Variants in ZNF804B observed in about 807,000 individuals in gnomAD.
ZNF804B encodes zinc finger protein 804B.
In ZNF804B, 80 loss-of-function variants were observed where a neutral mutation model predicts 101.4. The ratio of observed to expected loss-of-function variants is 0.79; its 90% CI spans 0.66 to 0.95. The LOEUF is 0.95. Among genes scored for constraint, ZNF804B ranks in the 40% least tolerant of loss-of-function variants. ZNF804B has a pLI of 0.00. For missense variants in ZNF804B, 1,673 were observed against 1,561.9 expected, an observed-to-expected ratio of 1.07 and a Z score of -1.20; for synonymous variants, 622 against 558.8, an observed-to-expected ratio of 1.11 and a Z score of -1.59.
intron 1 of ZNF804B, among the ~76,000 whole-genome samples, chr7:88,878,233 G>C (rs1159228613): frequency 1.3e-5 from 2 of 152,024 alleles, no homozygotes; most frequent in Non-Finnish European, 2.9e-5. Context: ...CAAGGGTTTT[G>C]GATCCTCCTG....
intron 1 of ZNF804B, among the ~76,000 whole-genome samples, chr7:88,876,005 T>A (rs189529134): frequency 6.6e-6 from 1 of 152,270 alleles, no homozygotes; most frequent in Admixed American, 6.5e-5. Flanking sequence ...GCTGGTTCAA[T>A]ATATGCAAAT....
At chr7:89,274,019 G>T (rs1789937836) in intron 2 of ZNF804B, among the ~76,000 whole-genome samples, 1 of 151,802 alleles carries the variant, frequency 6.6e-6, no homozygotes, top group Admixed American at 6.6e-5. Context: ...ACAAAGAGTA[G>T]ACATACTAAA....
intron 1 of ZNF804B, among the ~76,000 whole-genome samples, chr7:89,135,587 C>A (rs1242728016): frequency 6.6e-6 from 1 of 151,680 alleles, no homozygotes; most frequent in Non-Finnish European, 1.5e-5. Flanking sequence ...ACTACACAAG[C>A]CATTAGATGT....
intron 1 of ZNF804B, among the ~76,000 whole-genome samples, chr7:89,002,055 T>C (rs944447918): frequency 3.3e-5 from 5 of 151,608 alleles, no homozygotes; most frequent in African/African-American, 1.2e-4. Context: ...ACCACTTTTT[T>C]GTAATGTATT....
intron 1 of ZNF804B, among the ~76,000 whole-genome samples, chr7:89,035,211 G>C (rs1788906825): frequency 6.6e-6 from 1 of 152,024 alleles, no homozygotes; most frequent in Non-Finnish European, 1.5e-5. Context: ...TGAAAAGAAA[G>C]AACAAACATG....
chr7:89,018,106 A>T (rs1198788906), intron 1 of ZNF804B, among the ~76,000 whole-genome samples: 1 of 152,072 alleles, frequency 6.6e-6, no homozygotes, highest in Non-Finnish European at 1.5e-5. Context: ...ATATTAGAGG[A>T]CAGGCTTTCC....
At chr7:88,951,111 G>A (rs193028529) in intron 1 of ZNF804B, among the ~76,000 whole-genome samples, 162 of 151,934 alleles carry the variant, frequency 1.1e-3, no homozygotes, top group African/African-American at 2.9e-3. Context: ...CTCCAAATAA[G>A]AAATATTTGG....
chr7:88,773,666 T>C (rs1306531624), intron 1 of ZNF804B, among the ~76,000 whole-genome samples: 1 of 152,114 alleles, frequency 6.6e-6, no homozygotes, highest in Non-Finnish European at 1.5e-5. Flanking sequence ...TTTAATTGGC[T>C]CACGGTTCTG....
chr7:89,040,259 T>C (rs1788995574), intron 1 of ZNF804B, among the ~76,000 whole-genome samples: 1 of 152,112 alleles, frequency 6.6e-6, no homozygotes, highest in Non-Finnish European at 1.5e-5. Flanking sequence ...TTTTTATCCT[T>C]TACTCTTTTT....
At position 89,335,230 on chromosome 7, in the gene ZNF804B, G is replaced by A. The variant is rs748399738; in HGVS notation, c.2248G>A (p.Val750Ile). The change falls in exon 4 of 4, where the codon GTT becomes ATT. Residue 750 changes from valine (V) to isoleucine (I), a missense_variant. Transcript: ENST00000333190. Reference sequence around the variant, plus strand: ...CTTCCATAAAAGAGAACACCACTCAGTTGAAAGGCACAAACGGAAATGTCT... The same window carrying A: ...CTTCCATAAAAGAGAACACCACTCAATTGAAAGGCACAAACGGAAATGTCT... ...LCFHKREHHS[V>I]ERHKRKCLKH... 24 of 1,613,840 alleles carry A rather than the reference G, an allele frequency of 1.5e-5. No homozygotes were observed. The highest frequency in any genetic ancestry group is 2.0e-5 in the Non-Finnish European group (24 of 1,179,944).
intron 1 of ZNF804B, among the ~76,000 whole-genome samples, chr7:89,075,041 AAT>A (rs1372865097): frequency 2.0e-5 from 3 of 152,178 alleles, no homozygotes; most frequent in Non-Finnish European, 4.4e-5. Flanking sequence ...CAAAGCATTC[AAT>A]AGGTGACTTG....
intron 2 of ZNF804B, among the ~76,000 whole-genome samples, chr7:89,274,722 C>G (rs1178728983): frequency 1.3e-5 from 2 of 151,812 alleles, no homozygotes; most frequent in African/African-American, 4.9e-5. Context: ...GTGTATCCAT[C>G]TAGAGTCTTA....
At chr7:89,072,109 C>CT (rs1411144064) in intron 1 of ZNF804B, among the ~76,000 whole-genome samples, 1 of 152,102 alleles carries the variant, frequency 6.6e-6, no homozygotes, top group Non-Finnish European at 1.5e-5. Flanking sequence ...AGATGTGAGG[C>CT]TTTAGAGAAA....
chr7:89,083,340 T>C (rs1315336672), intron 1 of ZNF804B, among the ~76,000 whole-genome samples: 1 of 151,802 alleles, frequency 6.6e-6, no homozygotes, highest in Non-Finnish European at 1.5e-5. Flanking sequence ...CAAGAAACAA[T>C]ACATGTTTAT....
intron 1 of ZNF804B, among the ~76,000 whole-genome samples, chr7:88,784,851 C>A (rs1334252225): frequency 1.3e-5 from 2 of 152,018 alleles, no homozygotes; most frequent in African/African-American, 4.8e-5. Context: ...ATGTTCTTTT[C>A]TTTCTCTGCT....
chr7:89,262,881 A>G (rs1320066529), intron 2 of ZNF804B, among the ~76,000 whole-genome samples: 1 of 152,192 alleles, frequency 6.6e-6, no homozygotes, highest in Non-Finnish European at 1.5e-5. Flanking sequence ...TATTTTGGAC[A>G]TTTTACGAAA....
At chr7:89,215,139 T>C (rs1426310886) in intron 1 of ZNF804B, among the ~76,000 whole-genome samples, 2 of 152,164 alleles carry the variant, frequency 1.3e-5, no homozygotes, top group Admixed American at 1.3e-4. Context: ...ATTAGCACCT[T>C]AGAGGTAAGA....
intron 1 of ZNF804B, among the ~76,000 whole-genome samples, chr7:89,029,635 G>A (rs1788801745): frequency 6.6e-6 from 1 of 152,080 alleles, no homozygotes. Context: ...TAGATGTTTG[G>A]TTATTACTCT....
intron 1 of ZNF804B, among the ~76,000 whole-genome samples, chr7:88,977,625 C>T (rs1344751350): frequency 1.3e-5 from 2 of 151,326 alleles, no homozygotes; most frequent in Non-Finnish European, 3.0e-5. Flanking sequence ...TCGTTTGGGT[C>T]TCCTCTCCTT....
Sources: gnomAD v4.1 joint callset for allele counts (sites outside exome capture counted in the v4.1 genomes callset) on GRCh38, gnomAD v4.1.1 for gene constraint, MANE v1.5 for transcripts, NCBI Gene and HGNC (gene_info 2026-07-23, HGNC 2026-07-21) for gene names.